The following RIMBP2 variants were observed in gnomAD, a reference collection of about 807,000 sequenced individuals.
RIMBP2 encodes RIMS binding protein 2.
RIMBP2 carries 48 observed loss-of-function variants against 118.6 expected under a neutral mutation model. The observed-to-expected ratio is 0.40, with a 90% confidence interval of 0.32 to 0.51. The LOEUF (loss-of-function observed/expected upper bound fraction) is 0.51, where lower values mean the gene tolerates loss of function less well. Among genes scored for constraint, RIMBP2 ranks in the 20% least tolerant of loss-of-function variants. The pLI, the probability that RIMBP2 is intolerant of heterozygous loss-of-function variation, is 0.41. For synonymous variants in RIMBP2, 762 were observed against 742.9 expected (o/e 1.03, Z -0.42); for missense variants, 1,551 against 1,768.3 (o/e 0.88, Z 2.20).
At position 130,448,956 on chromosome 12, in the gene RIMBP2, G is replaced by A. The variant is rs551637897; in HGVS notation, c.581+1244C>T. On this transcript the variant is annotated intron_variant, in intron 9 of 22. Coordinates refer to ENST00000690449, the MANE Select transcript of RIMBP2 (RefSeq NM_001393629.1). Reference sequence around the variant, plus strand: ...GGAGAAAGCAAAAGGTATTCAAGGTGTATGGACTGGCTTAAATCAAGAGTC... The same window carrying A: ...GGAGAAAGCAAAAGGTATTCAAGGTATATGGACTGGCTTAAATCAAGAGTC... 1.2e-4 allele frequency among the ~76,000 whole-genome samples: 19 copies of A among 152,374 alleles called. No homozygotes were observed. The South Asian group carries it at 3.9e-3, about 32-fold the overall frequency.
chr12:130,494,562 C>A (rs2048955916), intron 4 of RIMBP2, among the ~76,000 whole-genome samples: 2 of 151,544 alleles, frequency 1.3e-5, no homozygotes, highest in African/African-American at 4.9e-5. Context: ...TCGCTTGAAC[C>A]CAGGAGGCAG....
At chr12:130,599,868 T>G (rs921233124) in intron 2 of RIMBP2, among the ~76,000 whole-genome samples, 1 of 152,076 alleles carries the variant, frequency 6.6e-6, no homozygotes, top group Non-Finnish European at 1.5e-5. Flanking sequence ...AAGCTAAAGG[T>G]AAAAGTCAAG....
intron 5 of RIMBP2, among the ~76,000 whole-genome samples, chr12:130,473,712 G>A (rs1311782778): frequency 1.3e-5 from 2 of 152,082 alleles, no homozygotes; most frequent in African/African-American, 4.8e-5. Context: ...GAGGGCTGAT[G>A]GACATTTTCT....
intron 2 of RIMBP2, among the ~76,000 whole-genome samples, chr12:130,610,578 T>TTTG (rs869183073): frequency 8.0e-6 from 1 of 125,666 alleles, no homozygotes; most frequent in African/African-American, 3.4e-5. Flanking sequence ...TTTTTTTTTT[T>TTTG]GAGACGGAGT....
At chr12:130,432,685 T>G (rs534860283) in intron 14 of RIMBP2, among the ~76,000 whole-genome samples, 11 of 152,338 alleles carry the variant, frequency 7.2e-5, no homozygotes, top group Admixed American at 7.2e-4. Flanking sequence ...AGGCACCATC[T>G]GCAGGCCTCG....
chr12:130,448,631 C>T (rs934527170), intron 9 of RIMBP2, among the ~76,000 whole-genome samples: 4 of 152,248 alleles, frequency 2.6e-5, no homozygotes, highest in African/African-American at 9.6e-5. Context: ...GGGTCTTCAT[C>T]CTGGCCCCGC....
At chr12:130,524,936 C>T (rs775236609) in intron 2 of RIMBP2, among the ~76,000 whole-genome samples, 11 of 152,120 alleles carry the variant, frequency 7.2e-5, no homozygotes, top group East Asian at 1.9e-4. Context: ...CGTTCGGTTG[C>T]GCTGGGGCTT....
chr12:130,466,620 C>T (rs11060910), intron 6 of RIMBP2, among the ~76,000 whole-genome samples: 7,268 of 152,242 alleles, frequency 0.048, 334 homozygotes, highest in East Asian at 0.16. Flanking sequence ...TTCCATTGTG[C>T]TTCTAAATAA....
intron 5 of RIMBP2, among the ~76,000 whole-genome samples, chr12:130,478,535 G>A (rs778582417): frequency 3.3e-5 from 5 of 152,150 alleles, no homozygotes; most frequent in African/African-American, 1.2e-4. Context: ...GCAGGGCATC[G>A]TCCAGGATGG....
intron 2 of RIMBP2, among the ~76,000 whole-genome samples, chr12:130,592,417 G>A (rs965033402): frequency 6.6e-6 from 1 of 152,174 alleles, no homozygotes; most frequent in Non-Finnish European, 1.5e-5. Flanking sequence ...CTGGCCAGAT[G>A]CAGTGGCTCA....
At chr12:130,604,396 G>T (rs1005969052) in intron 2 of RIMBP2, among the ~76,000 whole-genome samples, 5 of 148,258 alleles carry the variant, frequency 3.4e-5, no homozygotes, top group Non-Finnish European at 7.4e-5. Context: ...AGGCTACTCA[G>T]TGCGGCCCGA....
chr12:130,587,662 C>T lies in RIMBP2; in HGVS notation c.-217+40660G>A, dbSNP rs1347551110. Among the ~76,000 whole-genome samples the T allele has an allele frequency of 6.0e-5, 5 of 83,862 alleles. No homozygotes were observed. In the East Asian group the frequency reaches 2.4e-3, roughly 41 times the overall value. The allele number at this position is 83,862 out of a possible 152,430, so 55.0% of individuals were successfully genotyped here. A position where few individuals can be genotyped will look rare whatever the true frequency, so the allele number is the denominator to read the frequency against. On this transcript the variant is annotated intron_variant, in intron 2 of 22. Coordinates refer to ENST00000690449, the MANE Select transcript of RIMBP2 (RefSeq NM_001393629.1). Reference sequence around the variant, plus strand: ...CATGGACACAGGAAGGGGAATATCACACTCTGGGGACTGTGGTGGGGTGGG... The same window carrying T: ...CATGGACACAGGAAGGGGAATATCATACTCTGGGGACTGTGGTGGGGTGGG...
chr12:130,449,793 A>C (rs961873212), intron 9 of RIMBP2, among the ~76,000 whole-genome samples: 2 of 152,086 alleles, frequency 1.3e-5, no homozygotes, highest in African/African-American at 2.4e-5. Context: ...GCGGCCAGGC[A>C]GGATGGAGGA....
intron 2 of RIMBP2, among the ~76,000 whole-genome samples, chr12:130,550,405 C>G (rs2055642870): frequency 6.6e-6 from 1 of 152,168 alleles, no homozygotes; most frequent in African/African-American, 2.4e-5. Flanking sequence ...AATGATCACA[C>G]AGCAAAGACA....
Position 130,442,741 on chromosome 12 carries a change from AC to A in RIMBP2, c.692-82del. The A allele has an allele frequency of 8.4e-7, 1 of 1,189,204 alleles. No homozygotes were observed. Among genetic ancestry groups the A allele is most frequent in the Non-Finnish European group, 1.2e-6 (1 of 841,082 alleles). 73.7% of individuals were successfully genotyped at this position (1,189,204 alleles called of 1,614,324 possible). A position where few individuals can be genotyped will look rare whatever the true frequency, so the allele number is the denominator to read the frequency against. On this transcript the variant is annotated intron_variant, in intron 10 of 22. Coordinates refer to ENST00000690449, the MANE Select transcript of RIMBP2 (RefSeq NM_001393629.1). This position sits in a 1 kb window ranked among gnomAD's most constrained non-coding sequence, Gnocchi z 6.9. ...CCCCCAGTGTACTCCCACCTCCCCC[AC>A]CAGGACCATAAGGCAGAGCAACAGG...
chr12:130,426,290 T>TC (rs2076785712), intron 15 of RIMBP2: 1 of 151,828 alleles, frequency 6.6e-6, no homozygotes, highest in Non-Finnish European at 1.5e-5. Flanking sequence ...TATTTTTTTT[T>TC]TTTTTTTGAG....
chr12:130,399,605 C>A, intron 22 of RIMBP2, 74 bp downstream of exon 22: 1 of 1,502,292 alleles, frequency 6.7e-7, no homozygotes, highest in Middle Eastern at 1.8e-4. Flanking sequence ...ATAAAAATAT[C>A]AGTGCAAAGA....
intron 4 of RIMBP2, among the ~76,000 whole-genome samples, chr12:130,493,864 G>T (rs1017346843): frequency 4.6e-5 from 7 of 152,108 alleles, no homozygotes; most frequent in African/African-American, 1.7e-4. Context: ...AAACAGCCTG[G>T]TCTAGCCTGT....
chr12:130,448,493 T>C (rs1461183905), intron 9 of RIMBP2, among the ~76,000 whole-genome samples: 2 of 152,330 alleles, frequency 1.3e-5, no homozygotes, highest in African/African-American at 2.4e-5. Flanking sequence ...CACCTCAGCA[T>C]GTGCCAGGCT....
Sources: allele counts gnomAD v4.1 joint callset (sites outside exome capture counted in the v4.1 genomes callset), GRCh38; gene constraint gnomAD v4.1.1; non-coding constraint Gnocchi (gnomAD v3.1); transcripts MANE v1.5; gene names NCBI Gene and HGNC (gene_info 2026-07-23, HGNC 2026-07-21).